The following SLC4A5 variants were observed in gnomAD, a reference collection of about 807,000 sequenced individuals.
SLC4A5 encodes electrogenic sodium bicarbonate cotransporter 4.
Under a neutral mutation model 120.4 loss-of-function variants are expected in SLC4A5, and 96 were observed. That is an observed-to-expected ratio of 0.80 (90% confidence interval 0.68 to 0.94). The LOEUF (loss-of-function observed/expected upper bound fraction) is 0.94, where lower values mean the gene tolerates loss of function less well. Among genes scored for constraint, SLC4A5 ranks in the 40% least tolerant of loss-of-function variants. The pLI is 0.00. For synonymous variants in SLC4A5, 550 were observed against 571.1 expected (o/e 0.96, Z 0.53); for missense variants, 1,259 against 1,459.5 (o/e 0.86, Z 2.24).
exon 7 of SLC4A5, chr2:74,304,637 A>T: frequency 6.2e-7 from 1 of 1,613,966 alleles, no homozygotes; most frequent in South Asian, 1.1e-5. Context: ...TTTTTCTTTG[A>T]GGGTAAGTGG....
intron 5 of SLC4A5, among the ~76,000 whole-genome samples, chr2:74,319,003 T>TTA (rs908979271): frequency 2.6e-4 from 39 of 151,914 alleles, no homozygotes; most frequent in African/African-American, 7.5e-4. Flanking sequence ...ATACATTACA[T>TTA]TATATATATA....
rs529991818 is a variant in SLC4A5 at position 74,325,038 on chromosome 2, C to T, written c.-3+3082G>A. On this transcript the variant is annotated intron_variant, in intron 5 of 30. Transcript: ENST00000394019. ...AGTCAGTTAATTTTGAACTGTCCTT[C>T]TCAGTTGTGTTGAGCTGTTAAATTC... is the stretch of plus-strand genomic sequence containing the variant. 1.6e-4 allele frequency among the ~76,000 whole-genome samples: 25 copies of T among 152,312 alleles called. 1 individual carries two copies. The highest frequency in any genetic ancestry group is 5.5e-4 in the African/African-American group (23 of 41,564).
At chr2:74,219,176 GGTGTGT>G (rs58141033) in intron 30 of SLC4A5, among the ~76,000 whole-genome samples, 7,666 of 134,288 alleles carry the variant, frequency 0.057, 236 homozygotes, top group Non-Finnish European at 0.071. Flanking sequence ...GCTCTTTGGA[GGTGTGT>G]GTGTGTGTGT....
At chr2:74,290,682 TGA>T in intron 7 of SLC4A5, 7 of 962,234 alleles carry the variant, frequency 7.3e-6, no homozygotes, top group Non-Finnish European at 8.5e-6. Context: ...AGTGAGAGGG[TGA>T]GAGAGAAATC....
intron 7 of SLC4A5, among the ~76,000 whole-genome samples, chr2:74,299,984 G>T (rs1451811483): frequency 1.3e-5 from 2 of 152,168 alleles, no homozygotes; most frequent in Non-Finnish European, 2.9e-5. Flanking sequence ...ACTGACAGAT[G>T]AAGGGATAAA....
At chr2:74,307,985 G>T in intron 6 of SLC4A5, 1 of 560,104 alleles carries the variant, frequency 1.8e-6, no homozygotes, top group Non-Finnish European at 3.5e-6. Context: ...TGGAGGAGAA[G>T]GTGGAACGAG....
chr2:74,291,763 C>T (rs576136501), intron 7 of SLC4A5, among the ~76,000 whole-genome samples: 2 of 152,356 alleles, frequency 1.3e-5, no homozygotes, highest in South Asian at 4.1e-4. Flanking sequence ...AGCCATCACA[C>T]GTGGCCACAA....
chr2:74,265,339 G>A, intron 8 of SLC4A5, 75 bp from the exon 9 acceptor site: 4 of 1,543,194 alleles, frequency 2.6e-6, no homozygotes, highest in Non-Finnish European at 3.5e-6. Context: ...CCCCAAAAGA[G>A]GGGTGTCATG....
At chr2:74,336,419 C>T (rs1195806788) in intron 3 of SLC4A5, among the ~76,000 whole-genome samples, 1 of 152,102 alleles carries the variant, frequency 6.6e-6, no homozygotes, top group African/African-American at 2.4e-5. Flanking sequence ...TGATTAAGAG[C>T]AGGAGATCAC....
chr2:74,264,435 G>A, intron 9 of SLC4A5, 136 bp from the exon 10 acceptor site: 1 of 1,029,536 alleles, frequency 9.7e-7, no homozygotes, highest in East Asian at 2.7e-5. Context: ...TTTGCCACTA[G>A]CTGTGGAAAA....
Position 74,315,034 on chromosome 2 carries a change from T to TA in SLC4A5, c.-2-10dup, listed in dbSNP as rs779156225. Reference sequence around the variant, plus strand: ...CTCCTTCACCTTCATGACTATAAAGTAAAAGGAACACAGCCTCAAAATGTA... The same window carrying TA: ...CTCCTTCACCTTCATGACTATAAAGTAAAAAGGAACACAGCCTCAAAATGTA... On this transcript the variant is annotated splice_polypyrimidine_tract_variant and intron_variant, in intron 5 of 30. Transcript: ENST00000394019. The TA allele has an allele frequency of 6.2e-7, 1 of 1,609,780 alleles. No individual in the cohort carries two copies. Among genetic ancestry groups the TA allele is most frequent in the South Asian group, 1.1e-5 (1 of 91,002 alleles).
At chr2:74,251,724 C>T (rs903158812) in intron 16 of SLC4A5, among the ~76,000 whole-genome samples, 7 of 152,130 alleles carry the variant, frequency 4.6e-5, no homozygotes, top group African/African-American at 1.4e-4. Context: ...GGGGGTGATG[C>T]GGCTGCCAGC....
At chr2:74,318,455 TG>T (rs992412605) in intron 5 of SLC4A5, among the ~76,000 whole-genome samples, 2 of 151,378 alleles carry the variant, frequency 1.3e-5, no homozygotes, top group African/African-American at 4.9e-5. Context: ...GAGGCAGAGG[TG>T]GGGGGGATGG....
intron 19 of SLC4A5, 111 bp downstream of exon 19, chr2:74,246,925 C>G (rs1670628583): frequency 7.2e-7 from 1 of 1,386,402 alleles, no homozygotes; most frequent in African/African-American, 1.4e-5. Context: ...GAACTGTAAG[C>G]CCTTGGCTGA....
At chr2:74,313,781 AG>A (rs1573094078) in intron 6 of SLC4A5, among the ~76,000 whole-genome samples, 1 of 152,172 alleles carries the variant, frequency 6.6e-6, no homozygotes, top group Non-Finnish European at 1.5e-5. Context: ...TTCCACTCTA[AG>A]GGCTTAGCAT....
chr2:74,300,417 G>A (rs777682822), intron 7 of SLC4A5, among the ~76,000 whole-genome samples: 2 of 152,328 alleles, frequency 1.3e-5, no homozygotes, highest in South Asian at 2.1e-4. Flanking sequence ...CTCACAATGT[G>A]TATGTATATC....
At chr2:74,251,003 A>G (rs1028974550) in intron 16 of SLC4A5, among the ~76,000 whole-genome samples, 1 of 152,178 alleles carries the variant, frequency 6.6e-6, no homozygotes, top group Non-Finnish European at 1.5e-5. Context: ...GGAACAGCTG[A>G]GTGGAAGATT....
At chr2:74,299,001 A>C (rs537334982) in intron 7 of SLC4A5, among the ~76,000 whole-genome samples, 1 of 152,204 alleles carries the variant, frequency 6.6e-6, no homozygotes, top group South Asian at 2.1e-4. Context: ...CATGGGAGGG[A>C]CCTGGTGGCA....
chr2:74,321,436 G>A (rs1324689026), intron 5 of SLC4A5, among the ~76,000 whole-genome samples: 1 of 152,104 alleles, frequency 6.6e-6, no homozygotes, highest in African/African-American at 2.4e-5. Context: ...TTTAGCAAAT[G>A]AAACTACAGT....
Sources: allele counts gnomAD v4.1 joint callset (sites outside exome capture counted in the v4.1 genomes callset), GRCh38; gene constraint gnomAD v4.1.1; transcripts MANE v1.5; gene names NCBI Gene and HGNC (gene_info 2026-07-23, HGNC 2026-07-21).